Variants in COL21A1 observed in about 807,000 individuals in gnomAD.
COL21A1 encodes collagen alpha-1(XXI) chain.
COL21A1 carries 149 observed loss-of-function variants against 137.9 expected under a neutral mutation model. The ratio of observed to expected loss-of-function variants is 1.08; its 90% confidence interval spans 0.95 to 1.24. The LOEUF is 1.24. Among genes scored for constraint, COL21A1 ranks in the 50% most tolerant of loss-of-function variants. The pLI is 0.00. For synonymous variants in COL21A1, 456 were observed against 391.5 expected (o/e 1.16, Z -1.95); for missense variants, 1,167 against 1,158.4 (o/e 1.01, Z -0.11).
intron 1 of COL21A1, among the ~76,000 whole-genome samples, chr6:56,243,028 T>C (rs1318578059): frequency 6.6e-6 from 1 of 151,656 alleles, no homozygotes; most frequent in Non-Finnish European, 1.5e-5. Context: ...GTGCCACCAC[T>C]AACTCTTCAT....
chr6:56,220,625 A>T (rs1391341181), intron 1 of COL21A1, among the ~76,000 whole-genome samples: 1 of 152,062 alleles, frequency 6.6e-6, no homozygotes, highest in Non-Finnish European at 1.5e-5. Flanking sequence ...TCCGCACTGT[A>T]CTTGAACTTA....
intron 1 of COL21A1, among the ~76,000 whole-genome samples, chr6:56,186,746 T>A: frequency 6.6e-6 from 1 of 152,108 alleles, no homozygotes; most frequent in Non-Finnish European, 1.5e-5. Context: ...TAATGAAATA[T>A]GGAAAGACCC....
chr6:56,239,702 A>C (rs530552624), intron 1 of COL21A1, among the ~76,000 whole-genome samples: 22 of 152,302 alleles, frequency 1.4e-4, no homozygotes, highest in African/African-American at 4.8e-4. Context: ...GTTATTACTC[A>C]CCATTCACAG....
intron 22 of COL21A1, 172 bp downstream of exon 22, chr6:56,068,874 T>C: frequency 1.9e-6 from 1 of 534,472 alleles, no homozygotes; most frequent in Non-Finnish European, 3.3e-6. Flanking sequence ...ATATAAAAGA[T>C]GCCACAGCTA....
chr6:56,154,580 G>A (rs74463796), intron 10 of COL21A1, among the ~76,000 whole-genome samples: 6 of 151,908 alleles, frequency 3.9e-5, no homozygotes, highest in East Asian at 3.9e-4. Flanking sequence ...TTCTCCCACC[G>A]TATCACCCTA....
intron 1 of COL21A1, among the ~76,000 whole-genome samples, chr6:56,334,417 T>C (rs1023083350): frequency 6.6e-6 from 1 of 152,140 alleles, no homozygotes; most frequent in Non-Finnish European, 1.5e-5. Flanking sequence ...TTTAGCTTAG[T>C]ATACAAGGAA....
At chr6:56,376,351 G>C (rs1357968582) in intron 1 of COL21A1, among the ~76,000 whole-genome samples, 3 of 152,172 alleles carry the variant, frequency 2.0e-5, no homozygotes, top group African/African-American at 4.8e-5. Context: ...AGGAAGAGGA[G>C]GCAGGATGAG....
At chr6:56,190,283 C>T (rs900934473) in intron 1 of COL21A1, among the ~76,000 whole-genome samples, 1 of 152,252 alleles carries the variant, frequency 6.6e-6, no homozygotes, top group East Asian at 1.9e-4. Context: ...CACAGAAATA[C>T]AAACTACCAT....
At chr6:56,148,370 A>AGAGAGAGAGAGAGAGAGAGAGAGAGAG (rs1471650902) in intron 10 of COL21A1, among the ~76,000 whole-genome samples, 4 of 25,444 alleles carry the variant, frequency 1.6e-4, no homozygotes, top group African/African-American at 2.4e-4. Flanking sequence ...GAGAGAGAGA[A>AGAGAGAGAGAGAGAGAGAGAGAGAGAG]ACACATAAAA....
intron 1 of COL21A1, among the ~76,000 whole-genome samples, chr6:56,357,994 T>C (rs1371867714): frequency 6.6e-6 from 1 of 152,220 alleles, no homozygotes; most frequent in Non-Finnish European, 1.5e-5. Flanking sequence ...TACCTTTTTA[T>C]ACATGCACAA....
At chr6:56,281,804 C>T (rs1409837077) in intron 1 of COL21A1, among the ~76,000 whole-genome samples, 1 of 152,092 alleles carries the variant, frequency 6.6e-6, no homozygotes, top group Non-Finnish European at 1.5e-5. Flanking sequence ...TGAGTACAGG[C>T]ATATATTAGA....
intron 1 of COL21A1, among the ~76,000 whole-genome samples, chr6:56,269,132 C>T (rs1763462857): frequency 6.6e-6 from 1 of 152,116 alleles, no homozygotes; most frequent in Non-Finnish European, 1.5e-5. Flanking sequence ...AAACCTACAA[C>T]TATTGACACT....
intron 1 of COL21A1, among the ~76,000 whole-genome samples, chr6:56,236,365 G>C (rs1781898882): frequency 6.6e-6 from 1 of 151,996 alleles, no homozygotes; most frequent in Non-Finnish European, 1.5e-5. Flanking sequence ...CCCTAAAATA[G>C]AAAGTTTCCC....
Position 56,057,646 on chromosome 6 carries a change from G to T in COL21A1, c.*11C>A. The T allele has an allele frequency of 6.2e-7, 1 of 1,611,726 alleles. No individual in the cohort carries two copies. Among genetic ancestry groups the T allele is most frequent in the Non-Finnish European group, 8.5e-7 (1 of 1,178,888 alleles). On this transcript the variant is annotated 3_prime_UTR_variant, in exon 30 of 30. Coordinates refer to ENST00000244728, the MANE Select transcript of COL21A1 (RefSeq NM_030820.4). Reference sequence around the variant, plus strand: ...GCACCATGCCTAGGCTGCTGAATGAGGCATCAGACACTAATAGTTTGGTCC... The same window carrying T: ...GCACCATGCCTAGGCTGCTGAATGATGCATCAGACACTAATAGTTTGGTCC...
chr6:56,138,354 T>C (rs977755382), intron 12 of COL21A1, among the ~76,000 whole-genome samples: 10 of 150,602 alleles, frequency 6.6e-5, no homozygotes, highest in Non-Finnish European at 1.5e-4. Context: ...TATCCATATA[T>C]GTTTATACTT....
intron 1 of COL21A1, among the ~76,000 whole-genome samples, chr6:56,287,320 T>C (rs1185439736): frequency 1.3e-5 from 2 of 152,196 alleles, no homozygotes; most frequent in African/African-American, 2.4e-5. Flanking sequence ...CCTGTGAATA[T>C]GTTAGGTTAC....
In COL21A1 at chr6:56,180,143, A is replaced by G; in HGVS notation, c.89-14T>C. The stretch of plus-strand genomic sequence containing the variant: ...CAGTACGACAACCTAAGTGCAAAAG[A>G]AAACCATCATAGCACATCTTTTATA... On this transcript the variant is annotated splice_polypyrimidine_tract_variant and intron_variant, in intron 2 of 29. Coordinates refer to ENST00000244728, the MANE Select transcript of COL21A1 (RefSeq NM_030820.4). 1 of 1,585,828 alleles carries G rather than the reference A, an allele frequency of 6.3e-7. No homozygotes were observed. Among genetic ancestry groups the G allele is most frequent in the Non-Finnish European group, 8.6e-7 (1 of 1,168,528 alleles).
intron 1 of COL21A1, among the ~76,000 whole-genome samples, chr6:56,354,609 T>C (rs768084751): frequency 1.1e-4 from 17 of 152,196 alleles, no homozygotes; most frequent in Non-Finnish European, 2.2e-4. Flanking sequence ...TGGCTGGGCA[T>C]GGCGGCTCAT....
rs867390759 is a variant in COL21A1 at position 56,098,658 on chromosome 6, T to A, written c.1812+2814A>T. Among the ~76,000 whole-genome samples, 55 of 20,728 alleles carry A rather than the reference T, an allele frequency of 2.7e-3. 5 individuals carry two copies. The highest frequency in any genetic ancestry group is 2.8e-3 in the Non-Finnish European group (32 of 11,628). 13.6% of individuals were successfully genotyped at this position (20,728 alleles called of 152,430 possible). Reference sequence around the variant, plus strand: ...ATATAAATATATATAAATATATAAATATATATAAATATATATATAAATATA... The same window carrying A: ...ATATAAATATATATAAATATATAAAAATATATAAATATATATATAAATATA... On this transcript the variant is annotated intron_variant, in intron 17 of 29. Transcript: ENST00000244728.
Sources: allele counts gnomAD v4.1 joint callset (sites outside exome capture counted in the v4.1 genomes callset), GRCh38; gene constraint gnomAD v4.1.1; transcripts MANE v1.5; gene names NCBI Gene and HGNC (gene_info 2026-07-23, HGNC 2026-07-21).